FAT2: variants seen among roughly 807,000 people sequenced by gnomAD.
FAT2 encodes protocadherin Fat 2.
A neutral mutation model predicts 295.3 loss-of-function variants in FAT2; 150 were observed. The ratio of observed to expected loss-of-function variants is 0.51; its 90% CI spans 0.44 to 0.58. FAT2 has a LOEUF of 0.58. Ranked by LOEUF, FAT2 falls within the 20% of genes least tolerant of loss-of-function variation. The pLI is 0.00. For missense variants in FAT2, 4,868 were observed against 5,442.7 expected (o/e 0.89, Z 3.32); for synonymous variants, 2,026 against 2,150.3 (o/e 0.94, Z 1.60).
At chr5:151,534,679 G>T in intron 12 of FAT2, 37 bp from the exon 13 acceptor site, 2 of 1,565,322 alleles carry the variant, frequency 1.3e-6, no homozygotes, top group South Asian at 1.1e-5. Context: ...GCTTTCTCTG[G>T]GGAAATATTA....
chr5:151,589,674 T>C (rs533227314), intron 1 of FAT2, among the ~76,000 whole-genome samples: 1 of 152,192 alleles, frequency 6.6e-6, no homozygotes, highest in East Asian at 1.9e-4. Context: ...GGTGGAAAAA[T>C]TGCTTGAGCC....
intron 1 of FAT2, among the ~76,000 whole-genome samples, chr5:151,571,941 C>T (rs1224734883): frequency 1.3e-5 from 2 of 152,192 alleles, no homozygotes; most frequent in Non-Finnish European, 2.9e-5. Flanking sequence ...CTCCAGTTCA[C>T]AAGCTGCAGC....
In FAT2 at chr5:151,566,336, A is replaced by C. The variant is rs1435916915; in HGVS notation, c.2596T>G (p.Phe866Val). The change falls in exon 2 of 24, where the codon TTC (phenylalanine) becomes GTC (valine). Residue 866 changes from phenylalanine to valine, a missense_variant. Phe to Val is a conservative substitution (Grantham distance 50). Around this residue, in one of 5 missense-constraint regions of FAT2, gnomAD observed 3,297 missense variants for 3,669.4 expected, o/e 0.90. Transcript: ENST00000261800. ...RYTLLSPTEKFSLHPLTGELV... is the reference protein window; with the variant it reads ...RYTLLSPTEKVSLHPLTGELV... ...TCCCCAGTGAGAGGGTGGAGGGAGAACTTCTCTGTGGGACTTAGCAGGGTG... is the reference window on the plus strand; with the variant it reads ...TCCCCAGTGAGAGGGTGGAGGGAGACCTTCTCTGTGGGACTTAGCAGGGTG... 5.0e-6 allele frequency: 8 copies of C among 1,613,922 alleles called. No individual in the cohort carries two copies. The highest frequency in any genetic ancestry group is 6.8e-6 in the Non-Finnish European group (8 of 1,179,970).
Position 151,521,094 on chromosome 5 carries a change from G to C in FAT2, c.11317+182C>G, listed in dbSNP as rs1191899475. ...AAATCTCGAAAGGGAGCTGAGAATTGGGTATTATTCCATAACTAGATTTTG... is the reference window on the plus strand; with the variant it reads ...AAATCTCGAAAGGGAGCTGAGAATTCGGTATTATTCCATAACTAGATTTTG... On this transcript the variant is annotated intron_variant, in intron 19 of 23. Transcript: ENST00000261800. Among the ~76,000 whole-genome samples, 3 of 152,292 alleles carry C rather than the reference G, an allele frequency of 2.0e-5. No homozygotes were observed. In the East Asian group the frequency reaches 5.8e-4, roughly 29 times the overall value.
chr5:151,568,990 A>G, intron 1 of FAT2, 39 bp from the exon 2 acceptor site: 2 of 1,515,366 alleles, frequency 1.3e-6, no homozygotes, highest in Non-Finnish European at 1.8e-6. Context: ...AGTTAGGGGG[A>G]AAAAATGGTT....
chr5:151,517,016 G>C (rs1296993071), intron 20 of FAT2, among the ~76,000 whole-genome samples: 1 of 151,746 alleles, frequency 6.6e-6, no homozygotes, highest in Non-Finnish European at 1.5e-5. Context: ...GCTGAGGCAG[G>C]AGAATCGCTT....
intron 9 of FAT2, among the ~76,000 whole-genome samples, chr5:151,546,997 C>T (rs928038725): frequency 1.3e-5 from 2 of 152,142 alleles, no homozygotes; most frequent in Admixed American, 6.5e-5. Context: ...TCTCACATCA[C>T]CTTTATAATT....
intron 1 of FAT2, among the ~76,000 whole-genome samples, chr5:151,578,577 A>T (rs1758829711): frequency 6.6e-6 from 1 of 152,180 alleles, no homozygotes; most frequent in South Asian, 2.1e-4. Context: ...CCAAAAAATA[A>T]AAAAAAGAAC....
At chr5:151,573,694 C>T (rs1255106519) in intron 1 of FAT2, among the ~76,000 whole-genome samples, 1 of 152,202 alleles carries the variant, frequency 6.6e-6, no homozygotes, top group Non-Finnish European at 1.5e-5. Flanking sequence ...CAAATTATTC[C>T]GTCATCCCTG....
intron 1 of FAT2, among the ~76,000 whole-genome samples, chr5:151,580,334 C>G (rs1241507350): frequency 2.0e-5 from 3 of 152,182 alleles, no homozygotes; most frequent in Admixed American, 2.0e-4. Flanking sequence ...CAAAGCTGAG[C>G]CTATCTAAGC....
Position 151,521,930 on chromosome 5 carries a change from C to A in FAT2, c.10663G>T (p.Ala3555Ser), listed in dbSNP as rs779633695. ...FQGGMVGKIHATDRDPQDTLT... is the reference protein window; with the variant it reads ...FQGGMVGKIHSTDRDPQDTLT... ...GTGTCCTGGGGGTCTCGGTCTGTGG[C>A]ATGGATCTTACCCACCATGCCACCC... The change falls in exon 19 of 24, where the codon GCC becomes TCC. Residue 3555 changes from alanine to serine, a missense_variant. Around this residue, in one of 5 missense-constraint regions of FAT2, gnomAD observed 1,046 missense variants for 1,210.1 expected, o/e 0.86. Coordinates refer to ENST00000261800, the MANE Select transcript of FAT2 (RefSeq NM_001447.3). 2 of 1,614,138 alleles carry A rather than the reference C, an allele frequency of 1.2e-6. No individual in the cohort carries two copies. The highest frequency in any genetic ancestry group is 1.1e-5 in the South Asian group (1 of 91,082).
upstream of FAT2, among the ~76,000 whole-genome samples, chr5:151,591,459 C>T (rs573472572): frequency 7.9e-5 from 12 of 152,130 alleles, no homozygotes; most frequent in East Asian, 3.8e-4. Flanking sequence ...CCAGAACTCA[C>T]GGTGGGGAAT....
At chr5:151,509,847 C>T (rs1761180556) in intron 22 of FAT2, 174 bp downstream of exon 22, 1 of 673,964 alleles carries the variant, frequency 1.5e-6, no homozygotes, top group African/African-American at 1.8e-5. Flanking sequence ...TTCCATGAAA[C>T]CGGTCCCTGG....
chr5:151,582,442 G>A (rs6880902), intron 1 of FAT2, among the ~76,000 whole-genome samples: 68,318 of 151,988 alleles, frequency 0.45, 15,493 homozygotes, highest in Non-Finnish European at 0.49. Flanking sequence ...ATGGGGGTGA[G>A]GGTTAAAAAT....
Position 151,537,801 on chromosome 5 carries a change from G to A in FAT2, c.9185C>T (p.Pro3062Leu), listed in dbSNP as rs1390967500. 6.2e-7 allele frequency: 1 copy of A among 1,610,072 alleles called. No homozygotes were observed. The highest frequency in any genetic ancestry group is 1.7e-5 in the Admixed American group (1 of 59,656). Residue 3062 changes from proline to leucine, a missense_variant, in exon 12 of 24, where the codon CCT becomes CTT. Pro to Leu is a moderately conservative substitution (Grantham distance 98). Coordinates refer to ENST00000261800, the MANE Select transcript of FAT2 (RefSeq NM_001447.3). ...GPGAHEFKLD[P>L]HTGELTTLTA... ...CAGCTCAGGAAACCCACCTGTATGA[G>A]GATCCAGCTTGAATTCATGCGCCCC... is the stretch of plus-strand genomic sequence containing the variant.
intron 1 of FAT2, 25 bp from the exon 2 acceptor site, chr5:151,568,976 T>A (rs1469680): frequency 1.3e-6 from 2 of 1,543,998 alleles, no homozygotes; most frequent in African/African-American, 2.8e-5. Flanking sequence ...AAAGACAGGG[T>A]GCAAGTTAGG....
upstream of FAT2, among the ~76,000 whole-genome samples, chr5:151,591,591 C>T (rs769043656): frequency 5.9e-5 from 9 of 152,146 alleles, no homozygotes; most frequent in African/African-American, 1.4e-4. Flanking sequence ...CACAGTCACA[C>T]AGAGACCACA....
intron 1 of FAT2, among the ~76,000 whole-genome samples, chr5:151,579,806 A>G (rs1177472584): frequency 1.3e-5 from 2 of 152,102 alleles, no homozygotes; most frequent in Non-Finnish European, 2.9e-5. Flanking sequence ...GTAGAACTAG[A>G]TGGTGCCTGT....
At chr5:151,562,269 T>C (rs1324322609) in intron 3 of FAT2, among the ~76,000 whole-genome samples, 1 of 152,146 alleles carries the variant, frequency 6.6e-6, no homozygotes, top group Non-Finnish European at 1.5e-5. Flanking sequence ...TTTCCTCCAA[T>C]CTCACCAGGT....
Sources: gnomAD v4.1 joint callset for allele counts (sites outside exome capture counted in the v4.1 genomes callset) on GRCh38, gnomAD v4.1.1 for gene constraint, gnomAD v4.1.1 regional missense constraint, MANE v1.5 for transcripts, NCBI Gene and HGNC (gene_info 2026-07-23, HGNC 2026-07-21) for gene names.